CACNB1: variants seen among roughly 807,000 people sequenced by gnomAD.
CACNB1 encodes calcium voltage-gated channel auxiliary subunit beta 1, also known as voltage-dependent L-type calcium channel subunit beta-1.
CACNB1 carries 29 observed loss-of-function variants against 71.6 expected under a neutral mutation model. The observed-to-expected ratio is 0.40, with a 90% CI of 0.30 to 0.55. The LOEUF (loss-of-function observed/expected upper bound fraction) is 0.55. Among genes scored for constraint, CACNB1 ranks in the 20% least tolerant of loss-of-function variants. The pLI is 0.38. For synonymous variants in CACNB1, 300 were observed against 319.6 expected, an observed-to-expected ratio of 0.94 and a Z score of 0.65; for missense variants, 623 against 801.8, an observed-to-expected ratio of 0.78 and a Z score of 2.69.
rs558732163 is a variant in CACNB1 at position 39,176,005 on chromosome 17, T to C, written c.1333-348A>G. Reference sequence around the variant, plus strand: ...GCTAACTGTCATTAACAGCTCAGTATTGCCACTCATTAGCGGTTGATTCGG... The same window carrying C: ...GCTAACTGTCATTAACAGCTCAGTACTGCCACTCATTAGCGGTTGATTCGG... On this transcript the variant is annotated intron_variant, in intron 13 of 13. Coordinates refer to ENST00000394303, the MANE Select transcript of CACNB1 (RefSeq NM_000723.5). Among the ~76,000 whole-genome samples the C allele has an allele frequency of 1.3e-4, 20 of 152,336 alleles. No individual in the cohort carries two copies. In the South Asian group the frequency reaches 3.9e-3, roughly 30 times the overall value.
In CACNB1 at chr17:39,184,793, C is replaced by T. The variant is rs1412608121; in HGVS notation, c.720G>A (p.Lys240=). 6.2e-7 allele frequency: 1 copy of T among 1,610,862 alleles called. No individual in the cohort carries two copies. Among genetic ancestry groups the T allele is most frequent in the East Asian group, 2.2e-5 (1 of 44,836 alleles). The stretch of plus-strand genomic sequence containing the variant: ...CTCTAGGAAGTCCTACCTCGTAGCC[C>T]TTGAGCGACGGTCCCACCAGGATGA... ...RPIILVGPSL[K]GYEVTDMMQK... The change falls in exon 8 of 14, where the codon AAG becomes AAA. Residue 240 remains lysine (K), a synonymous_variant. Coordinates refer to ENST00000394303, the MANE Select transcript of CACNB1 (RefSeq NM_000723.5).
In CACNB1 at chr17:39,186,184, C is replaced by T; in HGVS notation, c.628+312G>A. The stretch of plus-strand genomic sequence containing the variant: ...TGAGATGAACGTGGAGACACAAGTA[C>T]AGAACGCAGGGATGGGGATGGGGAA... On this transcript the variant is annotated intron_variant, in intron 6 of 13. Transcript: ENST00000394303. This position sits in a 1 kb window ranked among gnomAD's most constrained non-coding sequence, Gnocchi z 4.1. 1 of 1,229,896 alleles carries T rather than the reference C, an allele frequency of 8.1e-7. No individual in the cohort carries two copies. Among genetic ancestry groups the T allele is most frequent in the Admixed American group, 1.8e-5 (1 of 55,758 alleles). The allele number at this position is 1,229,896 out of a possible 1,614,324, so 76.2% of individuals were successfully genotyped here.
chr17:39,175,603 C>T lies in CACNB1; in HGVS notation c.1387G>A (p.Ala463Thr), dbSNP rs1400061874. Residue 463 changes from alanine to threonine, a missense_variant, in exon 14 of 14, where the codon GCC becomes ACC. By Grantham distance (58) the Ala-to-Thr change is moderately conservative. Transcript: ENST00000394303. The surrounding 1 kb of genome is among the most constrained non-coding windows in gnomAD (Gnocchi z 4.7). Reference sequence around the variant, plus strand: ...TCCCCTGGGTACTCGTGCATGCTGGCGTGCTCCCCGGTGGCCCGTTCCAGT... The same window carrying T: ...TCCCCTGGGTACTCGTGCATGCTGGTGTGCTCCCCGGTGGCCCGTTCCAGT... ...QPLERATGEH[A>T]SMHEYPGELG... is the part of the protein sequence containing the mutation. The T allele has an allele frequency of 3.1e-6, 5 of 1,599,816 alleles. No homozygotes were observed. Among genetic ancestry groups the T allele is most frequent in the South Asian group, 1.1e-5 (1 of 89,042 alleles).
chr17:39,183,237 T>C (rs530149853), intron 11 of CACNB1, among the ~76,000 whole-genome samples: 2 of 151,720 alleles, frequency 1.3e-5, no homozygotes, highest in Admixed American at 6.6e-5. Flanking sequence ...GAGGCCGAGG[T>C]GGGTGGATTG....
intron 7 of CACNB1, 108 bp downstream of exon 7, chr17:39,185,023 C>A (rs2045898184): frequency 8.9e-7 from 1 of 1,124,444 alleles, no homozygotes; most frequent in East Asian, 2.3e-5. Context: ...CAGGGAGAAC[C>A]AGGAAGGGTG....
At chr17:39,184,729 G>T in intron 8 of CACNB1, 55 bp downstream of exon 8, 1 of 1,211,728 alleles carries the variant, frequency 8.3e-7, no homozygotes, top group Non-Finnish European at 1.2e-6. Flanking sequence ...TCTCTCTGGG[G>T]TCTGAAGATC....
intron 3 of CACNB1, 62 bp downstream of exon 3, chr17:39,191,412 T>C: frequency 2.7e-6 from 4 of 1,507,366 alleles, no homozygotes; most frequent in Non-Finnish European, 3.5e-6. Flanking sequence ...GTCTGGGCTC[T>C]CTCTACAGCC....
At chr17:39,197,279 G>A (rs563898523) in intron 1 of CACNB1, 133 bp downstream of exon 1, 1 of 421,762 alleles carries the variant, frequency 2.4e-6, no homozygotes, top group Admixed American at 5.1e-5. Flanking sequence ...CTGCAAGGAT[G>A]GGGGGCGCGC....
At chr17:39,184,693 C>G in intron 8 of CACNB1, 91 bp downstream of exon 8, 1 of 932,014 alleles carries the variant, frequency 1.1e-6, no homozygotes, top group Non-Finnish European at 1.8e-6. Flanking sequence ...TGGGAGGATG[C>G]CTTGGGATCG....
rs1303707532 is a variant in CACNB1, at chr17:39,186,473, C to G, written c.628+23G>C. On this transcript the variant is annotated intron_variant, in intron 6 of 13. Coordinates refer to ENST00000394303, the MANE Select transcript of CACNB1 (RefSeq NM_000723.5). This position sits in a 1 kb window ranked among gnomAD's most constrained non-coding sequence, Gnocchi z 4.1. The stretch of plus-strand genomic sequence containing the variant: ...CCCACCCAGGAGCTTCTTCCCAAAC[C>G]CCTGCATGGCGATGGCTCTTACCAC... 1 of 1,594,740 alleles carries G rather than the reference C, an allele frequency of 6.3e-7. No homozygotes were observed.
At chr17:39,195,045 G>T in intron 1 of CACNB1, 75 bp from the exon 2 acceptor site, 1 of 1,021,540 alleles carries the variant, frequency 9.8e-7, no homozygotes, top group Non-Finnish European at 1.5e-6. Context: ...CAGCCCCAGA[G>T]CTACAGCCAA....
rs2045934943 is a variant in CACNB1 at position 39,186,187 on chromosome 17, A to G, written c.628+309T>C. ...GATGAACGTGGAGACACAAGTACAGAACGCAGGGATGGGGATGGGGAAAAA... is the reference window on the plus strand; with the variant it reads ...GATGAACGTGGAGACACAAGTACAGGACGCAGGGATGGGGATGGGGAAAAA... On this transcript the variant is annotated intron_variant, in intron 6 of 13. Coordinates refer to ENST00000394303, the MANE Select transcript of CACNB1 (RefSeq NM_000723.5). This position sits in a 1 kb window ranked among gnomAD's most constrained non-coding sequence, Gnocchi z 4.1. The G allele has an allele frequency of 3.3e-6, 4 of 1,195,902 alleles. No homozygotes were observed. The Admixed American group carries it at 7.4e-5, about 22-fold the overall frequency. 74.1% of individuals were successfully genotyped at this position (1,195,902 alleles called of 1,614,324 possible).
chr17:39,184,497 C>A lies in CACNB1; in HGVS notation c.730-114G>T, dbSNP rs931011283. 16 of 702,926 alleles carry A rather than the reference C, an allele frequency of 2.3e-5. 1 individual carries two copies. Among genetic ancestry groups the A allele is most frequent in the South Asian group, 1.9e-4 (12 of 63,108 alleles). The allele number at this position is 702,926 out of a possible 1,614,324, so 43.5% of individuals were successfully genotyped here. On this transcript the variant is annotated intron_variant, in intron 8 of 13. Coordinates refer to ENST00000394303, the MANE Select transcript of CACNB1 (RefSeq NM_000723.5). The stretch of plus-strand genomic sequence containing the variant: ...CACGTTCCACTTTCTTCTGGACAGG[C>A]CTTTACGGCGGGCGGGGGTCTGAGT...
intron 3 of CACNB1, 118 bp from the exon 4 acceptor site, chr17:39,187,719 G>A (rs1456419291): frequency 1.6e-6 from 2 of 1,214,370 alleles, no homozygotes; most frequent in Non-Finnish European, 2.4e-6. Context: ...TCCTTGAAAT[G>A]TGTATGGACA....
At chr17:39,178,652 G>C (rs2045658704) in intron 11 of CACNB1, among the ~76,000 whole-genome samples, 1 of 151,910 alleles carries the variant, frequency 6.6e-6, no homozygotes. Flanking sequence ...CAAAGTGCTG[G>C]GATTATAGGC....
At chr17:39,191,380 G>A (rs2046076586) in intron 3 of CACNB1, 94 bp downstream of exon 3, 6 of 1,332,646 alleles carry the variant, frequency 4.5e-6, no homozygotes, top group Non-Finnish European at 6.1e-6. Flanking sequence ...AAGTGGCTGG[G>A]TCAAGACTTG....
At chr17:39,196,363 G>A (rs543378783) in intron 1 of CACNB1, among the ~76,000 whole-genome samples, 1 of 152,200 alleles carries the variant, frequency 6.6e-6, no homozygotes, top group Admixed American at 6.5e-5. Context: ...CTGGGCAAAG[G>A]GAGTGGCACT....
intron 11 of CACNB1, among the ~76,000 whole-genome samples, chr17:39,179,843 A>T (rs1446299099): frequency 2.0e-5 from 3 of 152,082 alleles, no homozygotes; most frequent in Non-Finnish European, 4.4e-5. Context: ...TGGGAGGCAG[A>T]GGTTGAGGTG....
Position 39,183,752 on chromosome 17 carries a change from C to T in CACNB1, c.1011G>A (p.Leu337=). The change falls in exon 11 of 14, where the codon CTG becomes CTA. Residue 337 remains leucine (L), a synonymous_variant. Transcript: ENST00000394303. ...TCTTGATGTAAACAATGATGGGGGCCAGCGAGGTCTTGGACAGCTGGGCTG... is the reference window on the plus strand; with the variant it reads ...TCTTGATGTAAACAATGATGGGGGCTAGCGAGGTCTTGGACAGCTGGGCTG... ...NHPAQLSKTS[L]APIIVYIKIT... The T allele has an allele frequency of 6.2e-7, 1 of 1,612,656 alleles. No homozygotes were observed. The highest frequency in any genetic ancestry group is 8.5e-7 in the Non-Finnish European group (1 of 1,179,376).
Sources: gnomAD v4.1 joint callset for allele counts (sites outside exome capture counted in the v4.1 genomes callset) on GRCh38, gnomAD v4.1.1 for gene constraint, Gnocchi (gnomAD v3.1) non-coding constraint, MANE v1.5 for transcripts, NCBI Gene and HGNC (gene_info 2026-07-23, HGNC 2026-07-21) for gene names.